Variants in NRXN1 observed in about 807,000 individuals in gnomAD.
NRXN1 encodes neurexin 1.
In NRXN1, 39 loss-of-function variants were observed where a neutral mutation model predicts 150.9. That is an observed-to-expected ratio of 0.26 (90% CI 0.20 to 0.34). The LOEUF (loss-of-function observed/expected upper bound fraction) is 0.34. Among genes scored for constraint, NRXN1 ranks in the 10% least tolerant of loss-of-function variants. The probability of loss-of-function intolerance (pLI) is 1.00; values close to 1 mark genes in which losing one functional copy is unlikely to be tolerated. For missense variants in NRXN1, 1,815 were observed against 1,949.9 expected (o/e 0.93, Z 1.30); for synonymous variants, 924 against 757.0 (o/e 1.22, Z -3.62).
intron 17 of NRXN1, among the ~76,000 whole-genome samples, chr2:50,300,738 C>T (rs1273287637): frequency 6.6e-6 from 1 of 152,132 alleles, no homozygotes; most frequent in Non-Finnish European, 1.5e-5. Context: ...CTCTGTCACC[C>T]AGGCTGGAGT....
intron 17 of NRXN1, among the ~76,000 whole-genome samples, chr2:50,458,645 T>A (rs1573054311): frequency 6.6e-6 from 1 of 151,802 alleles, no homozygotes; most frequent in Middle Eastern, 3.4e-3. Context: ...AATGGCACAA[T>A]CTTGGCTCAC....
At chr2:50,077,482 A>C (rs1490676808) in intron 19 of NRXN1, among the ~76,000 whole-genome samples, 2 of 152,126 alleles carry the variant, frequency 1.3e-5, no homozygotes, top group Non-Finnish European at 2.9e-5. Flanking sequence ...TCATTTAAAA[A>C]AGCTTCCTTT....
chr2:50,505,247 G>C (rs1463568155), intron 13 of NRXN1, among the ~76,000 whole-genome samples: 1 of 151,916 alleles, frequency 6.6e-6, no homozygotes, highest in African/African-American at 2.4e-5. Flanking sequence ...AAAAATAAAC[G>C]TAGGTTCTCT....
chr2:50,717,447 T>C (rs1696013176), intron 5 of NRXN1, among the ~76,000 whole-genome samples: 2 of 152,148 alleles, frequency 1.3e-5, no homozygotes, highest in South Asian at 4.1e-4. Flanking sequence ...ATGGCCATAA[T>C]GTAGCTAACT....
intron 16 of NRXN1, among the ~76,000 whole-genome samples, chr2:50,467,912 T>G (rs2089071473): frequency 1.3e-5 from 2 of 151,594 alleles, no homozygotes; most frequent in Non-Finnish European, 3.0e-5. Context: ...ATTGCTTAGT[T>G]TTAATTTTTG....
At chr2:50,016,327 AAACT>A (rs2152552850) in intron 21 of NRXN1, among the ~76,000 whole-genome samples, 1 of 152,256 alleles carries the variant, frequency 6.6e-6, no homozygotes, top group Non-Finnish European at 1.5e-5. Context: ...TTAGTCAACT[AAACT>A]TGAAGTGAGA....
intron 5 of NRXN1, among the ~76,000 whole-genome samples, chr2:50,831,655 C>T (rs888566299): frequency 2.6e-5 from 4 of 152,028 alleles, no homozygotes; most frequent in Non-Finnish European, 4.4e-5. Context: ...ATTTTAAAAC[C>T]CTTAAATTTC....
chr2:50,050,179 T>A (rs1032481525), intron 21 of NRXN1, among the ~76,000 whole-genome samples: 96 of 137,180 alleles, frequency 7.0e-4, no homozygotes, highest in African/African-American at 2.5e-3. Context: ...TTTTTACTTT[T>A]AAAAGGATAT....
intron 5 of NRXN1, among the ~76,000 whole-genome samples, chr2:50,765,604 C>T (rs1358261267): frequency 6.6e-6 from 1 of 151,958 alleles, no homozygotes; most frequent in Non-Finnish European, 1.5e-5. Flanking sequence ...TATAGGACAC[C>T]AAATGCAGAT....
chr2:50,152,360 C>G (rs940678493), intron 18 of NRXN1, among the ~76,000 whole-genome samples: 5 of 151,782 alleles, frequency 3.3e-5, no homozygotes, highest in African/African-American at 1.2e-4. Context: ...TCCATGAACC[C>G]TGCATATGTC....
chr2:50,610,677 A>ATATATATC (rs1235129097), intron 8 of NRXN1, among the ~76,000 whole-genome samples: 4 of 130,258 alleles, frequency 3.1e-5, no homozygotes. Context: ...ATATATATAT[A>ATATATATC]TCTGTACAAA....
chr2:50,744,739 T>C (rs1337417642), intron 5 of NRXN1, among the ~76,000 whole-genome samples: 1 of 152,230 alleles, frequency 6.6e-6, no homozygotes, highest in East Asian at 1.9e-4. Flanking sequence ...TGAATATGTA[T>C]ATTCATAATA....
intron 21 of NRXN1, among the ~76,000 whole-genome samples, chr2:50,052,975 G>A (rs1463941092): frequency 6.6e-6 from 1 of 152,120 alleles, no homozygotes; most frequent in African/African-American, 2.4e-5. Context: ...AAAATCCTAT[G>A]TAATTAGCAG....
intron 5 of NRXN1, among the ~76,000 whole-genome samples, chr2:50,895,115 C>T (rs1188445672): frequency 6.6e-6 from 1 of 152,104 alleles, no homozygotes; most frequent in Non-Finnish European, 1.5e-5. Context: ...TATTCATTTG[C>T]TATTCCCTCC....
At position 50,347,059 on chromosome 2, in the gene NRXN1, G is replaced by T; in HGVS notation, c.3365-110089C>A. ...CGCGGAGTGGGCTGAGGGGCCGGCC[G>T]CCTCACCGCGCCAGGGCACCCATCC... On this transcript the variant is annotated intron_variant, in intron 17 of 22. Coordinates refer to ENST00000401669, the MANE Select transcript of NRXN1 (RefSeq NM_001330078.2). This position sits in a 1 kb window ranked among gnomAD's most constrained non-coding sequence, Gnocchi z 4.9. The T allele has an allele frequency of 7.3e-7, 1 of 1,378,068 alleles. No individual in the cohort carries two copies. The highest frequency in any genetic ancestry group is 1.2e-5 in the South Asian group (1 of 81,882). 85.4% of individuals were successfully genotyped at this position (1,378,068 alleles called of 1,614,324 possible).
chr2:50,682,013 G>A (rs1213620522), intron 5 of NRXN1, among the ~76,000 whole-genome samples: 1 of 152,146 alleles, frequency 6.6e-6, no homozygotes, highest in East Asian at 1.9e-4. Context: ...CAAATGAGAT[G>A]GTACAGAAAA....
At chr2:50,907,635 G>A (rs931109649) in intron 5 of NRXN1, among the ~76,000 whole-genome samples, 4 of 152,052 alleles carry the variant, frequency 2.6e-5, no homozygotes, top group Admixed American at 6.6e-5. Flanking sequence ...AGAGGAGTCA[G>A]AGGAAAATGT....
intron 5 of NRXN1, among the ~76,000 whole-genome samples, chr2:50,768,509 G>C (rs967125912): frequency 2.6e-5 from 4 of 151,430 alleles, no homozygotes; most frequent in African/African-American, 4.9e-5. Context: ...GTCTCACTAT[G>C]TTGCAGAGGC....
intron 8 of NRXN1, among the ~76,000 whole-genome samples, chr2:50,574,075 G>T (rs946976965): frequency 1.3e-5 from 2 of 152,054 alleles, no homozygotes; most frequent in Non-Finnish European, 2.9e-5. Flanking sequence ...CCAGGACTGG[G>T]TTTTAAAAGG....
Sources: gnomAD v4.1 joint callset for allele counts (sites outside exome capture counted in the v4.1 genomes callset) on GRCh38, gnomAD v4.1.1 for gene constraint, Gnocchi (gnomAD v3.1) non-coding constraint, MANE v1.5 for transcripts, NCBI Gene and HGNC (gene_info 2026-07-23, HGNC 2026-07-21) for gene names.